Variants in CLEC16A observed in about 807,000 individuals in gnomAD.
CLEC16A encodes protein CLEC16A.
A neutral mutation model predicts 109.5 loss-of-function variants in CLEC16A; 51 were observed. The ratio of observed to expected loss-of-function variants is 0.47; its 90% confidence interval spans 0.37 to 0.59. The LOEUF (loss-of-function observed/expected upper bound fraction) is 0.59. CLEC16A is among the 20% of genes least tolerant of loss of function. The probability of loss-of-function intolerance (pLI) is 0.00; values close to 1 mark genes in which losing one functional copy is unlikely to be tolerated. For missense variants in CLEC16A, 1,339 were observed against 1,394.0 expected, an observed-to-expected ratio of 0.96 and a Z score of 0.63; for synonymous variants, 673 against 564.2, an observed-to-expected ratio of 1.19 and a Z score of -2.73.
chr16:10,971,274 G>T, intron 5 of CLEC16A, 44 bp downstream of exon 5: 1 of 1,414,982 alleles, frequency 7.1e-7, no homozygotes, highest in East Asian at 2.3e-5. Context: ...TTTCTGACTT[G>T]GCAGCAAGCA....
Position 11,166,457 on chromosome 16 carries a change from CCAGCGGGAGCCCCAGCGG to C in CLEC16A, c.2722_2739del (p.Pro908_Ser913del). 6.2e-7 allele frequency: 1 copy of C among 1,607,962 alleles called. No homozygotes were observed. The highest frequency in any genetic ancestry group is 8.5e-7 in the Non-Finnish European group (1 of 1,179,792). On this transcript the variant is annotated inframe_deletion, in exon 23 of 24. Coordinates refer to ENST00000409790, the MANE Select transcript of CLEC16A (RefSeq NM_015226.3). ...CTGTCCTCACAGTCGCCACCCTCCG[CCAGCGGGAGCCCCAGCGG>C]CAGCGGGAGCACCAGCCACTGCGAC...
Position 11,178,418 on chromosome 16 carries a change from C to T in CLEC16A, c.2890C>T (p.Pro964Ser). ...CAACGAAACGGAAGCAGACTCTAAG[C>T]CCAGCAAGAACGTGGCCAGGAGCGC... ...IVNETEADSK[P>S]SKNVARSAAV... Residue 964 changes from proline (P) to serine (S), a missense_variant, in exon 24 of 24, where the codon CCC (proline) becomes TCC (serine). Physicochemically the swap from Pro to Ser is moderately conservative, Grantham distance 74. Around this residue, in one of 3 missense-constraint regions of CLEC16A, gnomAD observed 1,061 missense variants for 1,006.8 expected, o/e 1.05. Coordinates refer to ENST00000409790, the MANE Select transcript of CLEC16A (RefSeq NM_015226.3). The surrounding 1 kb of genome is among the most constrained non-coding windows in gnomAD (Gnocchi z 6.5). The T allele has an allele frequency of 6.2e-7, 1 of 1,613,798 alleles. No individual in the cohort carries two copies. Among genetic ancestry groups the T allele is most frequent in the Non-Finnish European group, 8.5e-7 (1 of 1,179,892 alleles).
At chr16:10,949,391 C>T (rs1056607432) in intron 1 of CLEC16A, among the ~76,000 whole-genome samples, 1 of 152,266 alleles carries the variant, frequency 6.6e-6, no homozygotes, top group East Asian at 1.9e-4. Flanking sequence ...TAGGCAGACG[C>T]TGTTTAAATG....
At chr16:10,953,258 G>A (rs1004338263) in intron 1 of CLEC16A, among the ~76,000 whole-genome samples, 1 of 152,234 alleles carries the variant, frequency 6.6e-6, no homozygotes, top group South Asian at 2.1e-4. Flanking sequence ...CAATGGTGGC[G>A]CTGGAGTGCA....
chr16:11,034,156 G>A (rs2046896672), intron 13 of CLEC16A, among the ~76,000 whole-genome samples: 1 of 152,206 alleles, frequency 6.6e-6, no homozygotes, highest in Admixed American at 6.5e-5. Flanking sequence ...TTTGCCATGC[G>A]GAGAACTTGC....
At chr16:11,157,106 A>G in intron 22 of CLEC16A, 4 of 1,303,896 alleles carry the variant, frequency 3.1e-6, no homozygotes, top group Non-Finnish European at 4.0e-6. Flanking sequence ...AAAATCTGAG[A>G]GGATTTATCC....
At chr16:11,121,709 G>A (rs1334875115) in intron 20 of CLEC16A, among the ~76,000 whole-genome samples, 2 of 151,124 alleles carry the variant, frequency 1.3e-5, no homozygotes, top group Admixed American at 6.6e-5. Flanking sequence ...GTGAAACCCC[G>A]TCTCTACTAA....
intron 23 of CLEC16A, among the ~76,000 whole-genome samples, chr16:11,173,491 T>C (rs1245847897): frequency 2.6e-5 from 2 of 77,582 alleles, no homozygotes; most frequent in East Asian, 6.8e-4. Flanking sequence ...GGTTCAGTCT[T>C]GATTTTTCAA....
chr16:11,085,986 G>T (rs1398338712), intron 19 of CLEC16A, among the ~76,000 whole-genome samples: 1 of 152,228 alleles, frequency 6.6e-6, no homozygotes, highest in Non-Finnish European at 1.5e-5. Flanking sequence ...CGGGTCTTCA[G>T]CTAGTCCTCT....
At chr16:11,010,785 C>T (rs940496317) in intron 11 of CLEC16A, among the ~76,000 whole-genome samples, 5 of 152,224 alleles carry the variant, frequency 3.3e-5, no homozygotes, top group South Asian at 4.1e-4. Flanking sequence ...TCCGTTGTCA[C>T]GCCTCCAGCC....
At chr16:11,064,446 G>A (rs2048656041) in intron 19 of CLEC16A, among the ~76,000 whole-genome samples, 1 of 152,214 alleles carries the variant, frequency 6.6e-6, no homozygotes, top group Admixed American at 6.5e-5. Flanking sequence ...CTTCCCCAGA[G>A]TCTTCATGCC....
intron 19 of CLEC16A, among the ~76,000 whole-genome samples, chr16:11,090,449 G>A (rs79945652): frequency 9.2e-5 from 14 of 152,164 alleles, no homozygotes; most frequent in Non-Finnish European, 1.8e-4. Flanking sequence ...CATACCAGAT[G>A]TCCTCAGGCA....
intron 22 of CLEC16A, among the ~76,000 whole-genome samples, chr16:11,140,688 G>C (rs954046929): frequency 3.3e-5 from 5 of 152,226 alleles, no homozygotes; most frequent in African/African-American, 1.2e-4. Context: ...GACTTGAGCA[G>C]CTTGAAAGCC....
intron 8 of CLEC16A, among the ~76,000 whole-genome samples, chr16:10,978,090 A>ATG (rs1021763119): frequency 2.0e-5 from 3 of 152,230 alleles, no homozygotes; most frequent in African/African-American, 7.2e-5. Context: ...GAACTTGCGC[A>ATG]GCATGGAGGG....
intron 22 of CLEC16A, 79 bp downstream of exon 22, chr16:11,126,225 G>A: frequency 6.3e-7 from 1 of 1,588,640 alleles, no homozygotes; most frequent in Non-Finnish European, 8.6e-7. Context: ...TGGAGCCTGT[G>A]TGAGCTGCCC....
chr16:11,044,375 T>G (rs1265191508), intron 16 of CLEC16A, among the ~76,000 whole-genome samples: 1 of 152,212 alleles, frequency 6.6e-6, no homozygotes, highest in Non-Finnish European at 1.5e-5. Flanking sequence ...TACGTACGTA[T>G]AAACACATAT....
chr16:11,001,764 C>T (rs182356845), intron 10 of CLEC16A, among the ~76,000 whole-genome samples: 64 of 152,280 alleles, frequency 4.2e-4, no homozygotes, highest in African/African-American at 1.5e-3. Context: ...ACCTCAGCCC[C>T]GCAAAGTGCT....
intron 19 of CLEC16A, among the ~76,000 whole-genome samples, chr16:11,108,264 A>G (rs2051344569): frequency 6.6e-6 from 1 of 152,256 alleles, no homozygotes; most frequent in Non-Finnish European, 1.5e-5. Context: ...CAGGAAGAGA[A>G]ACTCTCAAGG....
intron 23 of CLEC16A, among the ~76,000 whole-genome samples, chr16:11,170,812 T>C (rs2068478846): frequency 6.6e-6 from 1 of 152,180 alleles, no homozygotes; most frequent in Non-Finnish European, 1.5e-5. Flanking sequence ...CTGAGGCCTA[T>C]CAGGTGGCCA....
Sources: gnomAD v4.1 joint callset for allele counts (sites outside exome capture counted in the v4.1 genomes callset) on GRCh38, gnomAD v4.1.1 for gene constraint, gnomAD v4.1.1 regional missense constraint, Gnocchi (gnomAD v3.1) non-coding constraint, MANE v1.5 for transcripts, NCBI Gene and HGNC (gene_info 2026-07-23, HGNC 2026-07-21) for gene names.